VPS51: variants seen among roughly 807,000 people sequenced by gnomAD.
VPS51 encodes the protein vacuolar protein sorting-associated protein 51 homolog.
A neutral mutation model predicts 65.1 loss-of-function variants in VPS51; 55 were observed. The observed-to-expected ratio is 0.84, with a 90% CI of 0.68 to 1.06. The LOEUF (loss-of-function observed/expected upper bound fraction) is 1.06, where lower values mean the gene tolerates loss of function less well. VPS51 is among the 50% of genes least tolerant of loss of function. The pLI, the probability that VPS51 is intolerant of heterozygous loss-of-function variation, is 0.00. For missense variants in VPS51, 943 were observed against 1,101.6 expected (o/e 0.86, Z 2.04); for synonymous variants, 473 against 489.5 (o/e 0.97, Z 0.44).
rs545367954 is a variant in VPS51 at position 65,111,788 on chromosome 11, C to T, written c.*201C>T. On this transcript the variant is annotated 3_prime_UTR_variant, in exon 10 of 10. Coordinates refer to ENST00000279281, the MANE Select transcript of VPS51 (RefSeq NM_013265.4). ...TGAGGCGCCCGCGTCGGGTCCGCCC[C>T]CGAGCGCCGATTGGCTGGTGTGCTG... The T allele has an allele frequency of 2.9e-6, 3 of 1,047,944 alleles. No homozygotes were observed. The highest frequency in any genetic ancestry group is 3.4e-5 in the South Asian group (2 of 59,576). The allele number at this position is 1,047,944 out of a possible 1,614,324, so 64.9% of individuals were successfully genotyped here.
chr11:65,111,703 C>T lies in VPS51; in HGVS notation c.*116C>T, dbSNP rs907532017. 6.6e-5 allele frequency: 93 copies of T among 1,405,660 alleles called. No individual in the cohort carries two copies. Among genetic ancestry groups the T allele is most frequent in the Non-Finnish European group, 8.5e-5 (91 of 1,068,958 alleles). 87.1% of individuals were successfully genotyped at this position (1,405,660 alleles called of 1,614,324 possible). ...GACCGGCCTAATAAACATGTGTGGC[C>T]TCCTCCTCTCGCTTGCTGGGCGGGC... is the stretch of plus-strand genomic sequence containing the variant. On this transcript the variant is annotated 3_prime_UTR_variant, in exon 10 of 10. Transcript: ENST00000279281.
At chr11:65,098,579 G>A (rs1565308854) in intron 2 of VPS51, among the ~76,000 whole-genome samples, 1 of 152,212 alleles carries the variant, frequency 6.6e-6, no homozygotes, top group Non-Finnish European at 1.5e-5. Flanking sequence ...GGGAGCATCT[G>A]TGGGGTTGCA....
Position 65,111,552 on chromosome 11 carries a change from C to A in VPS51, c.2314C>A (p.Pro772Thr), listed in dbSNP as rs1947902589. The change falls in exon 10 of 10, where the codon CCC (proline) becomes ACC (threonine). Residue 772 changes from proline to threonine, a missense_variant. This residue lies in a region of VPS51 where 88 missense variants were observed against 147.8 expected (regional missense o/e 0.60). Coordinates refer to ENST00000279281, the MANE Select transcript of VPS51 (RefSeq NM_013265.4). Reference sequence around the variant, plus strand: ...CTGCCCAGACCCTGTGCCCATGGAGCCCAGTGTGGTTGAGGTCATCTGCGA... The same window carrying A: ...CTGCCCAGACCCTGTGCCCATGGAGACCAGTGTGGTTGAGGTCATCTGCGA... The part of the protein sequence containing the change: ...LRCPDPVPME[P>T]SVVEVICERG 1 of 1,611,368 alleles carries A rather than the reference C, an allele frequency of 6.2e-7. No homozygotes were observed. The highest frequency in any genetic ancestry group is 1.3e-5 in the African/African-American group (1 of 74,938).
rs1253956936 is a variant in VPS51, at chr11:65,097,075, C to T, written c.306C>T (p.Ser102=). The change falls in exon 2 of 10, where the codon AGC becomes AGT. Residue 102 remains serine (S), a synonymous_variant. Coordinates refer to ENST00000279281, the MANE Select transcript of VPS51 (RefSeq NM_013265.4). ...TGCGGCAGATCCGGGCTCTAGACAGCGACATGCAGACCCTGGTCTATGAGA... is the reference window on the plus strand; with the variant it reads ...TGCGGCAGATCCGGGCTCTAGACAGTGACATGCAGACCCTGGTCTATGAGA... ...DMVRQIRALD[S]DMQTLVYENY... 4 of 1,613,968 alleles carry T rather than the reference C, an allele frequency of 2.5e-6. No individual in the cohort carries two copies. The highest frequency in any genetic ancestry group is 1.6e-4 in the Middle Eastern group (1 of 6,062).
In VPS51 at chr11:65,108,240, C is replaced by A; in HGVS notation, c.769C>A (p.Leu257Met). Reference protein sequence around the residue: ...GAPEQAECVELLLALGEPAEE... With the variant: ...GAPEQAECVEMLLALGEPAEE... ...CCCGGAGCAGGCAGAGTGCGTGGAGCTGCTGCTGGCCCTGGGCGAGCCTGC... is the reference window on the plus strand; with the variant it reads ...CCCGGAGCAGGCAGAGTGCGTGGAGATGCTGCTGGCCCTGGGCGAGCCTGC... The change falls in exon 5 of 10, where the codon CTG (leucine) becomes ATG (methionine). Residue 257 changes from leucine to methionine, a missense_variant. Coordinates refer to ENST00000279281, the MANE Select transcript of VPS51 (RefSeq NM_013265.4). The A allele has an allele frequency of 6.2e-7, 1 of 1,600,012 alleles. No individual in the cohort carries two copies. The highest frequency in any genetic ancestry group is 2.3e-5 in the East Asian group (1 of 44,286).
At position 65,111,735 on chromosome 11, in the gene VPS51, G is replaced by A. The variant is rs923121465; in HGVS notation, c.*148G>A. 4.2e-5 allele frequency: 57 copies of A among 1,341,454 alleles called. No individual in the cohort carries two copies. The highest frequency in any genetic ancestry group is 5.1e-5 in the Non-Finnish European group (52 of 1,013,914). 83.1% of individuals were successfully genotyped at this position (1,341,454 alleles called of 1,614,324 possible). On this transcript the variant is annotated 3_prime_UTR_variant, in exon 10 of 10. Coordinates refer to ENST00000279281, the MANE Select transcript of VPS51 (RefSeq NM_013265.4). ...TCTCGCTTGCTGGGCGGGCCTTTCC[G>A]GGGGCGGGGTTTTGAAGCTGAGGCT... is the stretch of plus-strand genomic sequence containing the variant.
intron 8 of VPS51, 26 bp from the exon 9 acceptor site, chr11:65,110,668 C>G: frequency 6.2e-7 from 1 of 1,614,180 alleles, no homozygotes; most frequent in South Asian, 1.1e-5. Context: ...AGGGCGGGCT[C>G]TGATTCCTTG....
At chr11:65,111,274 C>T (rs1165760453) in intron 9 of VPS51, 53 bp from the exon 10 acceptor site, 3 of 1,597,554 alleles carry the variant, frequency 1.9e-6, no homozygotes, top group Admixed American at 3.3e-5. Context: ...ACTTGGGTGT[C>T]CCCCACACAC....
At chr11:65,110,094 C>G in intron 7 of VPS51, 171 bp downstream of exon 7, 5 of 742,048 alleles carry the variant, frequency 6.7e-6, no homozygotes, top group South Asian at 1.8e-5. Flanking sequence ...TGAGGGAACC[C>G]CAGGGGAACA....
chr11:65,110,733 G>A lies in VPS51; in HGVS notation c.2040G>A (p.Lys680=), dbSNP rs1317765763. Residue 680 remains lysine (K), a synonymous_variant, in exon 9 of 10, where the codon AAG becomes AAA. Coordinates refer to ENST00000279281, the MANE Select transcript of VPS51 (RefSeq NM_013265.4). ...MDTNLLSNIQ[K]LFSERIDVFS... ...CCAACCTCTTGAGCAATATCCAGAA[G>A]CTATTCTCTGAACGTATTGATGTGT... 1.2e-5 allele frequency: 20 copies of A among 1,614,040 alleles called. No homozygotes were observed. The highest frequency in any genetic ancestry group is 1.7e-6 in the Non-Finnish European group (2 of 1,180,026).
Position 65,111,734 on chromosome 11 carries a change from C to T in VPS51, c.*147C>T, listed in dbSNP as rs2137197706. 7.5e-7 allele frequency: 1 copy of T among 1,339,102 alleles called. No homozygotes were observed. The highest frequency in any genetic ancestry group is 9.9e-7 in the Non-Finnish European group (1 of 1,012,082). 83.0% of individuals were successfully genotyped at this position (1,339,102 alleles called of 1,614,324 possible). ...CTCTCGCTTGCTGGGCGGGCCTTTC[C>T]GGGGGCGGGGTTTTGAAGCTGAGGC... On this transcript the variant is annotated 3_prime_UTR_variant, in exon 10 of 10. Coordinates refer to ENST00000279281, the MANE Select transcript of VPS51 (RefSeq NM_013265.4).
chr11:65,109,096 G>T, intron 5 of VPS51, 182 bp downstream of exon 5: 1 of 1,016,472 alleles, frequency 9.8e-7, no homozygotes, highest in Non-Finnish European at 1.4e-6. Flanking sequence ...GCAGGGCATG[G>T]TGGGGTCCCC....
chr11:65,106,335 A>G (rs1947841278), intron 2 of VPS51, among the ~76,000 whole-genome samples: 1 of 152,242 alleles, frequency 6.6e-6, no homozygotes, highest in Non-Finnish European at 1.5e-5. Flanking sequence ...AGTTCACAGC[A>G]TGGCTGGGGA....
At chr11:65,108,043 C>A in intron 4 of VPS51, 21 bp downstream of exon 4, 1 of 1,490,364 alleles carries the variant, frequency 6.7e-7, no homozygotes, top group Non-Finnish European at 8.9e-7. Flanking sequence ...TCTGCCCTGA[C>A]CCCAGCGCTC....
chr11:65,109,152 A>T, intron 5 of VPS51, 128 bp from the exon 6 acceptor site: 3 of 1,123,812 alleles, frequency 2.7e-6, no homozygotes, highest in South Asian at 1.5e-5. Context: ...GCTCCGGGGT[A>T]CTTAGAATGT....
At chr11:65,101,762 C>CAAAAAAAAAAAAAAAAAAAA (rs1165429983) in intron 2 of VPS51, among the ~76,000 whole-genome samples, 2 of 26,348 alleles carry the variant, frequency 7.6e-5, no homozygotes, top group Admixed American at 6.2e-4. Context: ...GACCTTGTCT[C>CAAAAAAAAAAAAAAAAAAAA]AAAAAAAAAA....
chr11:65,096,272 G>A lies in VPS51; in HGVS notation c.22G>A (p.Gly8Arg). The A allele has an allele frequency of 6.6e-7, 1 of 1,517,020 alleles. No individual in the cohort carries two copies. The highest frequency in any genetic ancestry group is 8.8e-7 in the Non-Finnish European group (1 of 1,136,616). 94.0% of individuals were successfully genotyped at this position (1,517,020 alleles called of 1,614,324 possible). The stretch of plus-strand genomic sequence containing the variant: ...AACGATGGCGGCGGCAGCTGCCGCC[G>A]GGCCTAGCCCGGGGTCTGGACCTGG... MAAAAAA[G>R]PSPGSGPGDS... is the part of the protein sequence containing the mutation. The change falls in exon 1 of 10, where the codon GGG becomes AGG. Residue 8 changes from glycine (G) to arginine (R), a missense_variant. Transcript: ENST00000279281.
rs1947851821 is a variant in VPS51, at chr11:65,107,677, G to T, written c.455G>T (p.Arg152Leu). Residue 152 changes from arginine to leucine, a missense_variant, in exon 3 of 10, where the codon CGC (arginine) becomes CTC (leucine). Arg to Leu is a moderately radical substitution (Grantham distance 102). Coordinates refer to ENST00000279281, the MANE Select transcript of VPS51 (RefSeq NM_013265.4). This position sits in a 1 kb window ranked among gnomAD's most constrained non-coding sequence, Gnocchi z 4.0. ...GCAGTGATCACCGACTTCAGCGCTC[G>T]CATCAGCGCCACGCTGCAGGACCGC... ...NMAVITDFSA[R>L]ISATLQDRHE... 1 of 1,609,698 alleles carries T rather than the reference G, an allele frequency of 6.2e-7. No individual in the cohort carries two copies. The highest frequency in any genetic ancestry group is 8.5e-7 in the Non-Finnish European group (1 of 1,177,158).
Position 65,097,007 on chromosome 11 carries a change from G to C in VPS51, c.238G>C (p.Glu80Gln). Residue 80 changes from glutamate to glutamine, a missense_variant, in exon 2 of 10, where the codon GAG (glutamate) becomes CAG (glutamine). This residue lies in a region of VPS51 where 855 missense variants were observed against 953.7 expected (regional missense o/e 0.90). Coordinates refer to ENST00000279281, the MANE Select transcript of VPS51 (RefSeq NM_013265.4). ...PEVYLDKLRR[E>Q]CPLAQLMDSE... ...CACCCAACTTCTTCAGCTGCGTAGA[G>C]AGTGCCCTCTGGCCCAGTTGATGGA... The C allele has an allele frequency of 6.2e-7, 1 of 1,613,692 alleles. No homozygotes were observed.
Sources: gnomAD v4.1 joint callset for allele counts (sites outside exome capture counted in the v4.1 genomes callset) on GRCh38, gnomAD v4.1.1 for gene constraint, gnomAD v4.1.1 regional missense constraint, Gnocchi (gnomAD v3.1) non-coding constraint, MANE v1.5 for transcripts, NCBI Gene and HGNC (gene_info 2026-07-23, HGNC 2026-07-21) for gene names.